The following LGSN variants were observed in gnomAD, a reference collection of about 807,000 sequenced individuals.
LGSN encodes lengsin.
A neutral mutation model predicts 19.5 loss-of-function variants in LGSN; 21 were observed. That is an observed-to-expected ratio of 1.07 (90% confidence interval 0.76 to 1.55). The LOEUF (loss-of-function observed/expected upper bound fraction) is 1.55, where lower values mean the gene tolerates loss of function less well. Ranked by LOEUF, LGSN falls within the 40% of genes most tolerant of loss-of-function variation. The pLI is 0.00. For missense variants in LGSN, 673 were observed against 608.5 expected, an observed-to-expected ratio of 1.11 and a Z score of -1.12; for synonymous variants, 257 against 215.6, an observed-to-expected ratio of 1.19 and a Z score of -1.68.
chr6:63,331,835 C>A, the LGSN span, among the ~76,000 whole-genome samples: 3 of 152,252 alleles, frequency 2.0e-5, no homozygotes, highest in Middle Eastern at 3.4e-3. Context: ...ACAGGGAGGA[C>A]TGACCAAGAA....
the LGSN span, among the ~76,000 whole-genome samples, chr6:63,339,487 T>G: frequency 6.6e-6 from 1 of 152,210 alleles, no homozygotes; most frequent in Non-Finnish European, 1.5e-5. Flanking sequence ...GACATAAGTA[T>G]AGCTACTCCT....
the LGSN span, chr6:63,572,605 C>A: frequency 2.4e-6 from 1 of 419,044 alleles, no homozygotes; most frequent in Middle Eastern, 6.1e-4. Flanking sequence ...CACCGCCGCT[C>A]CGCCACGACC....
At chr6:63,326,600 A>G in the LGSN span, among the ~76,000 whole-genome samples, 8,036 of 152,264 alleles carry the variant, frequency 0.053, 704 homozygotes, top group African/African-American at 0.18. Flanking sequence ...CAGGCCCCAC[A>G]GGAAGGCAGC....
At chr6:63,388,442 G>T in the LGSN span, among the ~76,000 whole-genome samples, 1 of 152,092 alleles carries the variant, frequency 6.6e-6, no homozygotes, top group African/African-American at 2.4e-5. Flanking sequence ...CTTTAAGGAG[G>T]TAACTAAGTT....
the LGSN span, among the ~76,000 whole-genome samples, chr6:63,421,526 G>A: frequency 2.0e-5 from 3 of 151,986 alleles, no homozygotes; most frequent in Non-Finnish European, 4.4e-5. Flanking sequence ...TCAAGAAATC[G>A]AGGCCATCCT....
the LGSN span, among the ~76,000 whole-genome samples, chr6:63,379,996 C>T: frequency 6.6e-6 from 1 of 152,054 alleles, no homozygotes; most frequent in Non-Finnish European, 1.5e-5. Context: ...TGCCACTACA[C>T]CCAGCTAATT....
At chr6:63,398,135 A>G in the LGSN span, among the ~76,000 whole-genome samples, 5 of 150,578 alleles carry the variant, frequency 3.3e-5, no homozygotes, top group African/African-American at 1.2e-4. Flanking sequence ...AAACTTGATG[A>G]TAATAAATGT....
the LGSN span, among the ~76,000 whole-genome samples, chr6:63,451,774 A>G: frequency 6.6e-5 from 10 of 152,168 alleles, no homozygotes; most frequent in Non-Finnish European, 1.2e-4. Context: ...AAAAAAAGAA[A>G]AAAGTAACAT....
the LGSN span, among the ~76,000 whole-genome samples, chr6:63,546,891 G>T: frequency 6.6e-6 from 1 of 152,094 alleles, no homozygotes; most frequent in Admixed American, 6.5e-5. Context: ...ATAGCTTTAT[G>T]TATTTCGCAA....
chr6:63,556,152 C>T, the LGSN span, among the ~76,000 whole-genome samples: 2 of 152,040 alleles, frequency 1.3e-5, no homozygotes, highest in African/African-American at 4.8e-5. Context: ...AGTTTATTTT[C>T]TTAATTTTAA....
At chr6:63,558,936 A>G in the LGSN span, among the ~76,000 whole-genome samples, 2 of 152,344 alleles carry the variant, frequency 1.3e-5, no homozygotes, top group East Asian at 3.9e-4. Context: ...AGTGTCTATT[A>G]CAATGCCTGC....
chr6:63,474,867 G>A, the LGSN span, among the ~76,000 whole-genome samples: 1 of 142,450 alleles, frequency 7.0e-6, no homozygotes, highest in South Asian at 2.2e-4. Context: ...AGGTTGCGAT[G>A]ATTTGAGAAG....
At chr6:63,387,798 G>A in the LGSN span, among the ~76,000 whole-genome samples, 6 of 150,090 alleles carry the variant, frequency 4.0e-5, no homozygotes, top group Admixed American at 2.0e-4. Context: ...GCCATCCTCC[G>A]ACCTCAGCGT....
chr6:63,362,038 C>G, the LGSN span, among the ~76,000 whole-genome samples: 4 of 152,182 alleles, frequency 2.6e-5, 1 homozygote, highest in South Asian at 8.3e-4. Context: ...GAGGGAGCAA[C>G]TTGATCTTGT....
At chr6:63,481,349 A>ATTTTTT in the LGSN span, among the ~76,000 whole-genome samples, 116 of 148,002 alleles carry the variant, frequency 7.8e-4, 2 homozygotes, top group African/African-American at 2.8e-3. Flanking sequence ...CCCAAAAGCT[A>ATTTTTT]TTTTTTTTTT....
upstream of LGSN, among the ~76,000 whole-genome samples, chr6:63,322,269 AT>A (rs1769102095): frequency 6.6e-6 from 1 of 152,226 alleles, no homozygotes; most frequent in Admixed American, 6.5e-5. Context: ...AGTACAGTGT[AT>A]AAAATACAAA....
Position 63,281,190 on chromosome 6 carries a change from G to T in LGSN, c.361C>A (p.Arg121=). The change falls in exon 4 of 4, where the codon CGA becomes AGA. Residue 121 remains arginine (R), a synonymous_variant. Coordinates refer to ENST00000370657, the MANE Select transcript of LGSN (RefSeq NM_016571.3). ...TTTGGTATCACTTCAAGATAACCTC[G>T]GGGCATGCAAACACCATGGCTCACT... is the stretch of plus-strand genomic sequence containing the variant. The part of the protein sequence containing the change: ...EKVSHGVCMP[R]GYLEVIPNPK... The T allele has an allele frequency of 1.9e-6, 3 of 1,603,386 alleles. No homozygotes were observed. Among genetic ancestry groups the T allele is most frequent in the Non-Finnish European group, 2.6e-6 (3 of 1,174,788 alleles).
the LGSN span, among the ~76,000 whole-genome samples, chr6:63,362,695 C>T: frequency 1.5e-4 from 23 of 152,264 alleles, no homozygotes; most frequent in East Asian, 3.7e-3. Context: ...ACAAAGCAGC[C>T]GGGAAGGTCG....
the LGSN span, among the ~76,000 whole-genome samples, chr6:63,399,988 A>G: frequency 6.6e-6 from 1 of 152,002 alleles, no homozygotes; most frequent in South Asian, 2.1e-4. Context: ...AGTTTTTAGG[A>G]TTTTCTTGTT....
Sources: allele counts gnomAD v4.1 joint callset (sites outside exome capture counted in the v4.1 genomes callset), GRCh38; gene constraint gnomAD v4.1.1; transcripts MANE v1.5; gene names NCBI Gene and HGNC (gene_info 2026-07-23, HGNC 2026-07-21).